The following GRIA4 variants were observed in gnomAD, a reference collection of about 807,000 sequenced individuals.
GRIA4 encodes the protein glutamate receptor 4.
In GRIA4, 34 loss-of-function variants were observed where a neutral mutation model predicts 104.0. That is an observed-to-expected ratio of 0.33 (90% CI 0.25 to 0.44). The LOEUF (loss-of-function observed/expected upper bound fraction) is 0.44. Among genes scored for constraint, GRIA4 ranks in the 20% least tolerant of loss-of-function variants. The probability of loss-of-function intolerance (pLI) is 1.00; values close to 1 mark genes in which losing one functional copy is unlikely to be tolerated. For missense variants in GRIA4, 750 were observed against 1,096.5 expected, an observed-to-expected ratio of 0.68 and a Z score of 4.46; for synonymous variants, 386 against 381.9, an observed-to-expected ratio of 1.01 and a Z score of -0.13.
intron 3 of GRIA4, among the ~76,000 whole-genome samples, chr11:105,718,083 G>A (rs1000501510): frequency 3.9e-5 from 6 of 152,058 alleles, no homozygotes; most frequent in African/African-American, 1.4e-4. Flanking sequence ...TTGGCTAACA[G>A]TGCTCTAAAA....
At chr11:105,920,442 A>C (rs1225665327) in intron 11 of GRIA4, among the ~76,000 whole-genome samples, 2 of 152,138 alleles carry the variant, frequency 1.3e-5, no homozygotes, top group African/African-American at 2.4e-5. Context: ...ATTTCATCTC[A>C]AAAAATCATA....
chr11:105,736,682 T>C (rs1938969772), intron 3 of GRIA4, among the ~76,000 whole-genome samples: 1 of 152,098 alleles, frequency 6.6e-6, no homozygotes, highest in Admixed American at 6.6e-5. Context: ...AGCTACAAAA[T>C]AGATATAAAT....
At chr11:105,899,008 A>C (rs1946761349) in intron 7 of GRIA4, among the ~76,000 whole-genome samples, 1 of 152,206 alleles carries the variant, frequency 6.6e-6, no homozygotes, top group Non-Finnish European at 1.5e-5. Flanking sequence ...AAATTATGGC[A>C]TAATGTTTCT....
intron 15 of GRIA4, among the ~76,000 whole-genome samples, 176 bp downstream of exon 15, chr11:105,972,204 C>A (rs965790077): frequency 7.9e-5 from 12 of 152,142 alleles, no homozygotes; most frequent in Non-Finnish European, 1.5e-4. Context: ...GAAACTGCAA[C>A]CTGCTCCCCA....
intron 4 of GRIA4, among the ~76,000 whole-genome samples, chr11:105,755,329 C>G (rs1018082091): frequency 6.6e-6 from 1 of 152,082 alleles, no homozygotes; most frequent in Non-Finnish European, 1.5e-5. Flanking sequence ...AAATGACATG[C>G]CTTTTATTCC....
chr11:105,904,658 T>C (rs1055564394), intron 8 of GRIA4, among the ~76,000 whole-genome samples: 2 of 152,208 alleles, frequency 1.3e-5, no homozygotes, highest in Non-Finnish European at 2.9e-5. Context: ...ATATTTAATG[T>C]TACATTTTAA....
chr11:105,740,895 C>G (rs1939262870), intron 3 of GRIA4, among the ~76,000 whole-genome samples: 2 of 152,218 alleles, frequency 1.3e-5, no homozygotes, highest in South Asian at 2.1e-4. Context: ...GTCATTGTGG[C>G]TTTTAGATCA....
chr11:105,630,938 T>G (rs975291599), intron 3 of GRIA4, among the ~76,000 whole-genome samples: 2 of 152,108 alleles, frequency 1.3e-5, no homozygotes, highest in African/African-American at 4.8e-5. Context: ...TGTGGATAAT[T>G]TCACTTGAAT....
At chr11:105,974,169 C>T in intron 15 of GRIA4, 141 bp from the exon 16 acceptor site, 6 of 774,622 alleles carry the variant, frequency 7.7e-6, no homozygotes, top group Non-Finnish European at 1.1e-5. Context: ...GTCCATTAGC[C>T]TACATCAGTG....
At chr11:105,866,535 ATGTG>A (rs71041632) in intron 5 of GRIA4, among the ~76,000 whole-genome samples, 35 of 105,308 alleles carry the variant, frequency 3.3e-4, no homozygotes, top group Non-Finnish European at 3.9e-4. Context: ...ATATACGCAT[ATGTG>A]TGTGTGTGTG....
At chr11:105,947,306 A>G (rs1948339946) in intron 14 of GRIA4, among the ~76,000 whole-genome samples, 1 of 152,146 alleles carries the variant, frequency 6.6e-6, no homozygotes, top group Non-Finnish European at 1.5e-5. Flanking sequence ...ATTTATTCTT[A>G]ATTTATTTAT....
chr11:105,680,701 A>T (rs920942709), intron 3 of GRIA4, among the ~76,000 whole-genome samples: 1 of 152,026 alleles, frequency 6.6e-6, no homozygotes, highest in African/African-American at 2.4e-5. Flanking sequence ...TCAATTTCTG[A>T]TCTGTATTTA....
intron 4 of GRIA4, among the ~76,000 whole-genome samples, chr11:105,861,195 A>G (rs1322822280): frequency 6.6e-6 from 1 of 152,034 alleles, no homozygotes; most frequent in Non-Finnish European, 1.5e-5. Context: ...CACGTAATAA[A>G]CACCCCCACC....
chr11:105,679,512 C>T (rs183079557), intron 3 of GRIA4, among the ~76,000 whole-genome samples: 123 of 152,178 alleles, frequency 8.1e-4, no homozygotes, highest in African/African-American at 2.6e-3. Flanking sequence ...AATTATTCTG[C>T]GTACAATTGA....
At chr11:105,930,048 A>G (rs191154613) in intron 13 of GRIA4, among the ~76,000 whole-genome samples, 1 of 152,236 alleles carries the variant, frequency 6.6e-6, no homozygotes, top group Non-Finnish European at 1.5e-5. Flanking sequence ...TGAAGGTTTT[A>G]GGGACTTAAA....
chr11:105,627,894 T>G (rs1950928455), intron 3 of GRIA4, among the ~76,000 whole-genome samples: 1 of 152,198 alleles, frequency 6.6e-6, no homozygotes, highest in Non-Finnish European at 1.5e-5. Context: ...ATCCGCCGCC[T>G]TTTTAAAGTT....
chr11:105,874,740 C>T (rs1486645100), intron 5 of GRIA4, among the ~76,000 whole-genome samples: 2 of 152,132 alleles, frequency 1.3e-5, no homozygotes, highest in Middle Eastern at 3.2e-3. Context: ...TAAAGAAATG[C>T]TTGTGATTTT....
chr11:105,800,260 T>C (rs1035162852), intron 4 of GRIA4, among the ~76,000 whole-genome samples: 22 of 151,978 alleles, frequency 1.4e-4, no homozygotes, highest in Admixed American at 2.6e-4. Context: ...GTGACTACAG[T>C]GTGAAAGGGT....
chr11:105,955,117 T>C (rs944958862), intron 14 of GRIA4, among the ~76,000 whole-genome samples: 1 of 152,116 alleles, frequency 6.6e-6, no homozygotes, highest in Admixed American at 6.6e-5. Context: ...AATTATTTTC[T>C]TTTTGGTTTT....
Sources: gnomAD v4.1 joint callset for allele counts (sites outside exome capture counted in the v4.1 genomes callset) on GRCh38, gnomAD v4.1.1 for gene constraint, MANE v1.5 for transcripts, NCBI Gene and HGNC (gene_info 2026-07-23, HGNC 2026-07-21) for gene names.